The following AGBL1 variants were observed in gnomAD, a reference collection of about 807,000 sequenced individuals.
The protein encoded by AGBL1 is cytosolic carboxypeptidase 4.
A neutral mutation model predicts 118.9 loss-of-function variants in AGBL1; 130 were observed. That is an observed-to-expected ratio of 1.09 (90% CI 0.95 to 1.26). AGBL1 has a LOEUF of 1.26. Among genes scored for constraint, AGBL1 ranks in the 50% most tolerant of loss-of-function variants. AGBL1 has a pLI of 0.00. For synonymous variants in AGBL1, 555 were observed against 478.9 expected (o/e 1.16, Z -2.08); for missense variants, 1,584 against 1,298.1 (o/e 1.22, Z -3.38).
At chr15:87,003,350 G>C (rs2082536) in intron 24 of AGBL1, among the ~76,000 whole-genome samples, 136,739 of 150,598 alleles carry the variant, frequency 0.91, 62,176 homozygotes, top group South Asian at 0.98. Flanking sequence ...GGTGGATAAG[G>C]TTTTTGATGT....
intron 22 of AGBL1, among the ~76,000 whole-genome samples, chr15:86,838,318 T>G (rs2079196081): frequency 6.6e-6 from 1 of 152,244 alleles, no homozygotes; most frequent in Admixed American, 6.5e-5. Context: ...AAGCTTCTTA[T>G]AGAAGAGGCT....
chr15:86,812,183 A>G (rs1178436691), intron 22 of AGBL1, among the ~76,000 whole-genome samples: 2 of 152,166 alleles, frequency 1.3e-5, no homozygotes, highest in African/African-American at 2.4e-5. Context: ...TCCTGTATAC[A>G]CTTTACTTAG....
chr15:86,921,466 ACT>A (rs1166633225), intron 23 of AGBL1, among the ~76,000 whole-genome samples: 1 of 152,008 alleles, frequency 6.6e-6, no homozygotes, highest in Non-Finnish European at 1.5e-5. Flanking sequence ...ACATCTCATG[ACT>A]CTAGCTTCCT....
intron 7 of AGBL1, among the ~76,000 whole-genome samples, chr15:86,250,661 C>T (rs1228562372): frequency 6.8e-6 from 1 of 146,760 alleles, no homozygotes; most frequent in Non-Finnish European, 1.5e-5. Context: ...ATGATCATTG[C>T]AGGTGAAAGA....
chr15:86,650,970 CCTTAGCA>C (rs1369053899), intron 21 of AGBL1, among the ~76,000 whole-genome samples: 1 of 152,168 alleles, frequency 6.6e-6, no homozygotes, highest in Non-Finnish European at 1.5e-5. Flanking sequence ...TTAGTAAATC[CCTTAGCA>C]CTTCTTGGTT....
At chr15:86,827,833 A>ATGG (rs2079049951) in intron 22 of AGBL1, among the ~76,000 whole-genome samples, 1 of 147,454 alleles carries the variant, frequency 6.8e-6, no homozygotes, top group African/African-American at 2.5e-5. Context: ...GTGGTGGATT[A>ATGG]TGGTGGCTAC....
intron 17 of AGBL1, among the ~76,000 whole-genome samples, chr15:86,304,519 T>G (rs1243913444): frequency 6.6e-6 from 1 of 152,240 alleles, no homozygotes; most frequent in Non-Finnish European, 1.5e-5. Flanking sequence ...ATGTTGTATT[T>G]TTTTCTATTG....
chr15:86,940,199 G>C (rs572920694), intron 23 of AGBL1, among the ~76,000 whole-genome samples: 1 of 150,984 alleles, frequency 6.6e-6, no homozygotes, highest in Admixed American at 6.7e-5. Flanking sequence ...CCTGTGCCCG[G>C]TTGAGTGCAC....
intron 18 of AGBL1, among the ~76,000 whole-genome samples, chr15:86,487,636 G>A (rs1368635149): frequency 2.0e-5 from 3 of 151,878 alleles, no homozygotes; most frequent in African/African-American, 4.8e-5. Context: ...CAAGGAGGCC[G>A]AGACCAGTGC....
chr15:86,327,801 A>G (rs2080206237), intron 17 of AGBL1, among the ~76,000 whole-genome samples: 1 of 152,192 alleles, frequency 6.6e-6, no homozygotes, highest in East Asian at 1.9e-4. Context: ...TTACTTGCTG[A>G]TGGAAAAAGC....
intron 22 of AGBL1, among the ~76,000 whole-genome samples, chr15:86,858,079 C>T (rs2079508266): frequency 1.3e-5 from 2 of 152,292 alleles, no homozygotes; most frequent in Admixed American, 1.3e-4. Flanking sequence ...AGGCTAAGCT[C>T]CCCTGATACC....
chr15:86,557,834 T>C (rs2083756701), intron 21 of AGBL1, among the ~76,000 whole-genome samples: 1 of 152,092 alleles, frequency 6.6e-6, no homozygotes, highest in African/African-American at 2.4e-5. Context: ...AACAAGTAAA[T>C]AAATGGCAAT....
At chr15:86,191,911 A>C (rs1427905844) in intron 5 of AGBL1, among the ~76,000 whole-genome samples, 2 of 148,496 alleles carry the variant, frequency 1.3e-5, no homozygotes, top group Non-Finnish European at 2.9e-5. Flanking sequence ...TCTTAAAAAA[A>C]AAAAAACAAA....
intron 5 of AGBL1, among the ~76,000 whole-genome samples, chr15:86,182,239 C>G (rs897028357): frequency 2.0e-5 from 3 of 151,946 alleles, no homozygotes; most frequent in Non-Finnish European, 2.9e-5. Context: ...CACTTTTGTT[C>G]TCCCTTGTTT....
At chr15:86,297,697 G>C (rs2079668153) in intron 17 of AGBL1, among the ~76,000 whole-genome samples, 2 of 152,118 alleles carry the variant, frequency 1.3e-5, no homozygotes, top group African/African-American at 4.8e-5. Context: ...TAGCTGATTG[G>C]TATCTTTCAT....
intron 18 of AGBL1, among the ~76,000 whole-genome samples, chr15:86,432,874 G>A (rs1371253805): frequency 1.3e-5 from 2 of 152,230 alleles, no homozygotes; most frequent in East Asian, 3.8e-4. Context: ...AAGCCAGTGT[G>A]TCAGCACAGG....
intron 17 of AGBL1, among the ~76,000 whole-genome samples, chr15:86,298,303 C>CTA (rs1359344715): frequency 4.2e-5 from 3 of 71,348 alleles, no homozygotes; most frequent in South Asian, 4.1e-4. Flanking sequence ...TATATGGTAG[C>CTA]TATATATATA....
At chr15:86,380,283 T>C (rs1238882146) in intron 17 of AGBL1, among the ~76,000 whole-genome samples, 1 of 149,746 alleles carries the variant, frequency 6.7e-6, no homozygotes, top group Non-Finnish European at 1.5e-5. Context: ...CTTCCTTTTT[T>C]TTTTTTTCTT....
At chr15:86,165,348 G>GA (rs1239373650) in intron 5 of AGBL1, among the ~76,000 whole-genome samples, 3 of 152,104 alleles carry the variant, frequency 2.0e-5, no homozygotes, top group African/African-American at 7.2e-5. Flanking sequence ...TTATGAGCTA[G>GA]AAAAAATGTC....
Sources: gnomAD v4.1 joint callset for allele counts (sites outside exome capture counted in the v4.1 genomes callset) on GRCh38, gnomAD v4.1.1 for gene constraint, MANE v1.5 for transcripts, NCBI Gene and HGNC (gene_info 2026-07-23, HGNC 2026-07-21) for gene names.